UBE3C: variants seen among roughly 807,000 people sequenced by gnomAD.
UBE3C encodes ubiquitin-protein ligase E3C.
UBE3C carries 42 observed loss-of-function variants against 129.4 expected under a neutral mutation model. The observed-to-expected ratio is 0.32, with a 90% CI of 0.25 to 0.42. UBE3C has a LOEUF of 0.42. UBE3C is among the 10% of genes least tolerant of loss of function. The pLI is 1.00. For missense variants in UBE3C, 1,049 were observed against 1,319.1 expected, an observed-to-expected ratio of 0.80 and a Z score of 3.17; for synonymous variants, 510 against 492.4, an observed-to-expected ratio of 1.04 and a Z score of -0.47.
At chr7:157,180,345 T>A (rs965487232) in intron 6 of UBE3C, among the ~76,000 whole-genome samples, 2 of 152,252 alleles carry the variant, frequency 1.3e-5, no homozygotes, top group African/African-American at 4.8e-5. Flanking sequence ...GTGTATTTTT[T>A]AAAATTCTTG....
chr7:157,179,934 C>A lies in UBE3C; in HGVS notation c.616+1087C>A, dbSNP rs1032268675. On this transcript the variant is annotated intron_variant, in intron 6 of 22. Transcript: ENST00000348165. ...TAAACTGAAAGTTGTGGAATTTGATCTTTTTAAAAACTAATAATTAAAAGT... is the reference window on the plus strand; with the variant it reads ...TAAACTGAAAGTTGTGGAATTTGATATTTTTAAAAACTAATAATTAAAAGT... 2.0e-5 allele frequency among the ~76,000 whole-genome samples: 3 copies of A among 152,106 alleles called. No individual in the cohort carries two copies. In the South Asian group the frequency reaches 6.2e-4, roughly 31 times the overall value.
intron 5 of UBE3C, 83 bp downstream of exon 5, chr7:157,175,117 G>C: frequency 2.9e-6 from 2 of 695,520 alleles, no homozygotes; most frequent in Non-Finnish European, 4.1e-6. Context: ...TTTATTTTCA[G>C]AGACAGTGGC....
chr7:157,241,175 G>A (rs757269080), intron 18 of UBE3C, among the ~76,000 whole-genome samples: 2 of 152,164 alleles, frequency 1.3e-5, no homozygotes, highest in Non-Finnish European at 2.9e-5. Context: ...ATCACAGAGC[G>A]CTGCAGGGCA....
chr7:157,170,262 AATACTAT>A (rs773646741), intron 3 of UBE3C, 35 bp from the exon 4 acceptor site: 1 of 1,409,436 alleles, frequency 7.1e-7, no homozygotes, highest in East Asian at 2.7e-5. Flanking sequence ...TGTGTGTCCA[AATACTAT>A]ATTTATGGGT....
chr7:157,144,978 G>A (rs1807565971), intron 1 of UBE3C, among the ~76,000 whole-genome samples: 1 of 152,128 alleles, frequency 6.6e-6, no homozygotes, highest in Admixed American at 6.6e-5. Context: ...GAGTGTCATT[G>A]CCCTAGAAAT....
At chr7:157,211,978 C>T (rs1185797743) in intron 13 of UBE3C, among the ~76,000 whole-genome samples, 1 of 152,178 alleles carries the variant, frequency 6.6e-6, no homozygotes, top group Non-Finnish European at 1.5e-5. Flanking sequence ...TTGAGGAAAA[C>T]GGTTGTTTTC....
chr7:157,143,920 C>A (rs953334963), intron 1 of UBE3C, among the ~76,000 whole-genome samples: 2 of 152,124 alleles, frequency 1.3e-5, no homozygotes, highest in Non-Finnish European at 2.9e-5. Context: ...GGGATACTTA[C>A]AAAAGAGTCA....
rs189188172 is a variant in UBE3C at position 157,266,527 on chromosome 7, C to T, written c.3082-1058C>T. Reference sequence around the variant, plus strand: ...CCCACAATGCTGGGATCGATCTCTGCGTCAGAATTCCTCTTGATTTTAGTG... The same window carrying T: ...CCCACAATGCTGGGATCGATCTCTGTGTCAGAATTCCTCTTGATTTTAGTG... On this transcript the variant is annotated intron_variant, in intron 22 of 22. Transcript: ENST00000348165. Among the ~76,000 whole-genome samples the T allele has an allele frequency of 3.4e-4, 52 of 152,292 alleles. 1 individual carries two copies. In the East Asian group the frequency reaches 8.5e-3, roughly 25 times the overall value.
chr7:157,177,675 G>T (rs999383346), intron 5 of UBE3C, among the ~76,000 whole-genome samples: 1 of 152,232 alleles, frequency 6.6e-6, no homozygotes, highest in Non-Finnish European at 1.5e-5. Context: ...AACAAGGTCT[G>T]GCTGGGTGTC....
In UBE3C at chr7:157,198,760, C is replaced by T. The variant is rs569842133; in HGVS notation, c.1332-2961C>T. Among the ~76,000 whole-genome samples the T allele has an allele frequency of 2.4e-4, 36 of 152,244 alleles. No individual in the cohort carries two copies. The Middle Eastern group carries it at 0.01, about 43-fold the overall frequency. On this transcript the variant is annotated intron_variant, in intron 10 of 22. Transcript: ENST00000348165. The stretch of plus-strand genomic sequence containing the variant: ...ATGTTGACCAGGCTGGTCTCGAACC[C>T]CTGACCTCAGGTGGTTACCCACCTT...
chr7:157,267,796 T>A lies in UBE3C; in HGVS notation c.*41T>A. ...CAGACCCCTACAGAGAACCAGTGCT[T>A]CCTTCGTCAGCAGCGCCTCCCCAGA... On this transcript the variant is annotated 3_prime_UTR_variant, in exon 23 of 23. Transcript: ENST00000348165. 6.6e-7 allele frequency: 1 copy of A among 1,511,626 alleles called. No homozygotes were observed. The highest frequency in any genetic ancestry group is 1.4e-5 in the South Asian group (1 of 73,968). 93.6% of individuals were successfully genotyped at this position (1,511,626 alleles called of 1,614,324 possible). A position where few individuals can be genotyped will look rare whatever the true frequency, so the allele number is the denominator to read the frequency against.
At chr7:157,197,882 C>G (rs1809166824) in intron 10 of UBE3C, 1 of 1,605,658 alleles carries the variant, frequency 6.2e-7, no homozygotes, top group Non-Finnish European at 8.5e-7. Flanking sequence ...ATTTATCCTC[C>G]TCTTCTGGAG....
chr7:157,253,362 T>C (rs1225185162), intron 19 of UBE3C, among the ~76,000 whole-genome samples: 4 of 152,266 alleles, frequency 2.6e-5, no homozygotes, highest in Non-Finnish European at 5.9e-5. Flanking sequence ...CTGCAAATTC[T>C]GTGAGTATAG....
intron 10 of UBE3C, among the ~76,000 whole-genome samples, chr7:157,191,499 T>C (rs1808965823): frequency 6.6e-6 from 1 of 152,120 alleles, no homozygotes; most frequent in South Asian, 2.1e-4. Flanking sequence ...CCATGTTGCC[T>C]AGGCTGGTCT....
intron 18 of UBE3C, among the ~76,000 whole-genome samples, chr7:157,243,003 C>G (rs1213204342): frequency 6.6e-6 from 1 of 151,808 alleles, no homozygotes; most frequent in East Asian, 1.9e-4. Context: ...TATGGTGAGC[C>G]AAGATTGTGC....
chr7:157,187,916 T>A (rs1198531406), intron 10 of UBE3C, among the ~76,000 whole-genome samples: 1 of 152,152 alleles, frequency 6.6e-6, no homozygotes, highest in Non-Finnish European at 1.5e-5. Flanking sequence ...TGACAATTTA[T>A]CCCTAAAAGT....
rs572977165 is a variant in UBE3C at position 157,178,552 on chromosome 7, A to G, written c.459-138A>G. The G allele has an allele frequency of 9.1e-4, 761 of 840,536 alleles. 3 individuals are homozygous for G. Among genetic ancestry groups the G allele is most frequent in the Middle Eastern group, 7.0e-3 (19 of 2,706 alleles). The allele number at this position is 840,536 out of a possible 1,614,324, so 52.1% of individuals were successfully genotyped here. ...TGTTAGTTGGATGATTTCCCTGTCT[A>G]TCTGTAAGATGTCCCTATTTTCAGA... On this transcript the variant is annotated intron_variant, in intron 5 of 22. Transcript: ENST00000348165.
intron 2 of UBE3C, among the ~76,000 whole-genome samples, chr7:157,167,544 CTT>C (rs1408600696): frequency 6.9e-6 from 1 of 145,928 alleles, no homozygotes; most frequent in Admixed American, 6.8e-5. Flanking sequence ...TCTCTCTTTT[CTT>C]TTTTTTTTTG....
chr7:157,167,534 T>A (rs562137018), intron 2 of UBE3C, among the ~76,000 whole-genome samples: 2 of 151,808 alleles, frequency 1.3e-5, no homozygotes, highest in African/African-American at 4.8e-5. Context: ...TGCCTCTCTC[T>A]CTCTCTTTTC....
Sources: allele counts gnomAD v4.1 joint callset (sites outside exome capture counted in the v4.1 genomes callset), GRCh38; gene constraint gnomAD v4.1.1; transcripts MANE v1.5; gene names NCBI Gene and HGNC (gene_info 2026-07-23, HGNC 2026-07-21).